The following ASIC2 variants were observed in gnomAD, a reference collection of about 807,000 sequenced individuals.
The protein encoded by ASIC2 is acid-sensing ion channel 2.
Under a neutral mutation model 57.3 loss-of-function variants are expected in ASIC2, and 25 were observed. The ratio of observed to expected loss-of-function variants is 0.44; its 90% CI spans 0.32 to 0.61. ASIC2 has a LOEUF of 0.61. Ranked by LOEUF, ASIC2 falls within the 20% of genes least tolerant of loss-of-function variation. The pLI is 0.06. For synonymous variants in ASIC2, 319 were observed against 307.5 expected (o/e 1.04, Z -0.39); for missense variants, 641 against 738.1 (o/e 0.87, Z 1.52).
intron 1 of ASIC2, among the ~76,000 whole-genome samples, chr17:34,086,413 A>G (rs1424341948): frequency 6.6e-6 from 1 of 152,084 alleles, no homozygotes; most frequent in Non-Finnish European, 1.5e-5. Flanking sequence ...ATAGTTTGTT[A>G]TAATTTCTGT....
chr17:33,934,808 T>C (rs1359971522), intron 1 of ASIC2, among the ~76,000 whole-genome samples: 1 of 152,166 alleles, frequency 6.6e-6, no homozygotes, highest in African/African-American at 2.4e-5. Context: ...ACAGAGTCAC[T>C]TCTATCTCCT....
chr17:33,288,848 A>G (rs942694338), intron 1 of ASIC2, among the ~76,000 whole-genome samples: 2 of 152,254 alleles, frequency 1.3e-5, no homozygotes, highest in Non-Finnish European at 2.9e-5. Context: ...GCCCAAGGGC[A>G]CATGGTAAGT....
chr17:33,589,806 C>A (rs1904769311), intron 1 of ASIC2, among the ~76,000 whole-genome samples: 3 of 152,194 alleles, frequency 2.0e-5, no homozygotes, highest in Admixed American at 1.3e-4. Context: ...TACCCTTTGG[C>A]TACTATGAAC....
chr17:33,872,982 A>C (rs928892420), intron 1 of ASIC2, among the ~76,000 whole-genome samples: 1 of 152,178 alleles, frequency 6.6e-6, no homozygotes, highest in South Asian at 2.1e-4. Context: ...CAGGAAAACT[A>C]GACCAAGAAA....
chr17:33,342,888 C>T (rs1366350592), intron 1 of ASIC2, among the ~76,000 whole-genome samples: 1 of 152,116 alleles, frequency 6.6e-6, no homozygotes, highest in Non-Finnish European at 1.5e-5. Context: ...AGGATAGAGC[C>T]AGGTGGGCAG....
chr17:33,269,639 C>CTTCCTTCCTTCT (rs1567805151), intron 1 of ASIC2, among the ~76,000 whole-genome samples: 1 of 69,592 alleles, frequency 1.4e-5, no homozygotes, highest in African/African-American at 5.0e-5. Flanking sequence ...TCCTTCCTTC[C>CTTCCTTCCTTCT]TTCCTTCCTT....
chr17:33,733,918 G>A lies in ASIC2; in HGVS notation c.555+422060C>T, dbSNP rs183086596. 2.6e-5 allele frequency among the ~76,000 whole-genome samples: 4 copies of A among 152,228 alleles called. No homozygotes were observed. The East Asian group carries it at 7.7e-4, about 29-fold the overall frequency. On this transcript the variant is annotated intron_variant, in intron 1 of 9. Transcript: ENST00000359872. Reference sequence around the variant, plus strand: ...GCTGATGGGTCTCACTTTAAATTGTGACCACAAGTGACTGGAGGGCCCTTG... The same window carrying A: ...GCTGATGGGTCTCACTTTAAATTGTAACCACAAGTGACTGGAGGGCCCTTG...
intron 1 of ASIC2, among the ~76,000 whole-genome samples, chr17:33,966,175 T>A (rs1400304866): frequency 6.6e-6 from 1 of 152,212 alleles, no homozygotes; most frequent in African/African-American, 2.4e-5. Context: ...CGGATGGTAT[T>A]GTTAGCAGGT....
At chr17:33,248,306 G>A (rs1908763224) in intron 1 of ASIC2, among the ~76,000 whole-genome samples, 2 of 152,194 alleles carry the variant, frequency 1.3e-5, no homozygotes, top group Non-Finnish European at 2.9e-5. Flanking sequence ...GGCTGAGTAC[G>A]TGATAGTGAA....
At chr17:33,224,005 A>G (rs567133792) in intron 1 of ASIC2, among the ~76,000 whole-genome samples, 5 of 152,308 alleles carry the variant, frequency 3.3e-5, no homozygotes, top group African/African-American at 1.2e-4. Flanking sequence ...AGGCACCTCC[A>G]TTTGATTTCT....
chr17:33,934,937 T>G (rs1441197727), intron 1 of ASIC2, among the ~76,000 whole-genome samples: 3 of 152,162 alleles, frequency 2.0e-5, no homozygotes, highest in Non-Finnish European at 4.4e-5. Flanking sequence ...CATTCTCCAC[T>G]GTGCTGGAAA....
intron 1 of ASIC2, chr17:34,071,353 T>C (rs573022399): frequency 6.6e-6 from 1 of 152,356 alleles, no homozygotes; most frequent in East Asian, 1.9e-4. Context: ...ATTTTATCCA[T>C]TTCTAGTCCA....
chr17:34,156,317 A>C lies in ASIC2; in HGVS notation c.216T>G (p.His72Gln). The C allele has an allele frequency of 6.2e-7, 1 of 1,614,220 alleles. No homozygotes were observed. Among genetic ancestry groups the C allele is most frequent in the South Asian group, 1.1e-5 (1 of 91,086 alleles). ...CCACCACTTCGTCCACCTTAGTGAC[A>C]TGCTGGTAGGAGAAGTAGTAGGACA... The change falls in exon 1 of 10, where the codon CAT becomes CAG. Residue 72 changes from histidine to glutamine, a missense_variant. By Grantham distance (24) the His-to-Gln change is conservative. Transcript: ENST00000359872. The surrounding 1 kb of genome is among the most constrained non-coding windows in gnomAD (Gnocchi z 4.4).
intron 1 of ASIC2, among the ~76,000 whole-genome samples, chr17:33,736,363 T>C (rs1359633795): frequency 2.0e-5 from 3 of 152,088 alleles, no homozygotes; most frequent in Non-Finnish European, 4.4e-5. Context: ...GAAAATCCCA[T>C]ATTTTATCAT....
chr17:34,043,340 T>G (rs1908211759), intron 1 of ASIC2, among the ~76,000 whole-genome samples: 1 of 152,216 alleles, frequency 6.6e-6, no homozygotes, highest in East Asian at 1.9e-4. Flanking sequence ...TGGTATGTGA[T>G]AAAAGGCAGC....
chr17:33,409,752 A>T (rs1910592382), intron 1 of ASIC2, among the ~76,000 whole-genome samples: 1 of 152,188 alleles, frequency 6.6e-6, no homozygotes, highest in Non-Finnish European at 1.5e-5. Context: ...GTATGAATAC[A>T]GCTAGAATAG....
intron 1 of ASIC2, among the ~76,000 whole-genome samples, chr17:33,427,970 G>C (rs1172342897): frequency 6.6e-6 from 1 of 152,172 alleles, no homozygotes; most frequent in Non-Finnish European, 1.5e-5. Flanking sequence ...TTGTCAGGAT[G>C]CTCAATCAAC....
rs146673264 is a variant in ASIC2, at chr17:33,590,544, A to G, written c.556-478477T>C. Among the ~76,000 whole-genome samples the G allele has an allele frequency of 2.2e-4, 34 of 151,498 alleles. No individual in the cohort carries two copies. In the East Asian group the frequency reaches 6.4e-3, roughly 29 times the overall value. ...GGCTGTGTCTCTACACCACATCCCA[A>G]TCTCTACACCACACCCCAATCTCTA... On this transcript the variant is annotated intron_variant, in intron 1 of 9. Coordinates refer to the ASIC2 transcript ENST00000359872.
At chr17:33,887,298 G>A (rs998062596) in intron 1 of ASIC2, among the ~76,000 whole-genome samples, 1 of 152,168 alleles carries the variant, frequency 6.6e-6, no homozygotes, top group African/African-American at 2.4e-5. Context: ...CTCTGTCCTA[G>A]AGTGGCTTAC....
Sources: allele counts gnomAD v4.1 joint callset (sites outside exome capture counted in the v4.1 genomes callset), GRCh38; gene constraint gnomAD v4.1.1; non-coding constraint Gnocchi (gnomAD v3.1); transcripts MANE v1.5; gene names NCBI Gene and HGNC (gene_info 2026-07-23, HGNC 2026-07-21).